The following PIGR variants were observed in gnomAD, a reference collection of about 807,000 sequenced individuals.
PIGR encodes the protein hepatocellular carcinoma associated protein TB6.
PIGR carries 22 observed loss-of-function variants against 69.5 expected under a neutral mutation model. The observed-to-expected ratio is 0.32, with a 90% CI of 0.23 to 0.45. The LOEUF is 0.45. Among genes scored for constraint, PIGR ranks in the 20% least tolerant of loss-of-function variants. The pLI, the probability that PIGR is intolerant of heterozygous loss-of-function variation, is 1.00. For missense variants in PIGR, 885 were observed against 974.0 expected (o/e 0.91, Z 1.22); for synonymous variants, 413 against 407.6 (o/e 1.01, Z -0.16).
At position 206,933,062 on chromosome 1, in the gene PIGR, GCCTGGGATC is replaced by G. The variant is rs773624285; in HGVS notation, c.1801_1809del (p.Asp601_Arg603del). On this transcript the variant is annotated inframe_deletion, in exon 7 of 11. Transcript: ENST00000356495. ...GCCACCGCCTTTTCCTCTGCAAAAA[GCCTGGGATC>G]CTGAATGGCTTTGTTCTCAATCTCC... 1 of 1,614,192 alleles carries G rather than the reference GCCTGGGATC, an allele frequency of 6.2e-7. No individual in the cohort carries two copies. The highest frequency in any genetic ancestry group is 8.5e-7 in the Non-Finnish European group (1 of 1,180,046).
At position 206,939,175 on chromosome 1, in the gene PIGR, C is replaced by A. The variant is rs1679932169; in HGVS notation, c.332G>T (p.Gly111Val). 1.2e-6 allele frequency: 2 copies of A among 1,614,154 alleles called. No individual in the cohort carries two copies. Among genetic ancestry groups the A allele is most frequent in the Non-Finnish European group, 1.7e-6 (2 of 1,180,008 alleles). ...CAGGCCTCGGCTATTGATGCCCAGG[C>A]CACACTTGTAGCGCCCGGAGTCATC... ...SQDDSGRYKCGLGINSRGLSF... is the reference protein window; with the variant it reads ...SQDDSGRYKCVLGINSRGLSF... Residue 111 changes from glycine (G) to valine (V), a missense_variant, in exon 3 of 11, where the codon GGC becomes GTC. Coordinates refer to ENST00000356495, the MANE Select transcript of PIGR (RefSeq NM_002644.4).
intron 1 of PIGR, among the ~76,000 whole-genome samples, chr1:206,943,844 C>T (rs150826942): frequency 5.9e-5 from 9 of 152,306 alleles, no homozygotes; most frequent in South Asian, 2.1e-4. Flanking sequence ...GAAGAACGTA[C>T]GCTGAGTCCT....
Position 206,939,163 on chromosome 1 carries a change from T to C in PIGR, c.344A>G (p.Asn115Ser), listed in dbSNP as rs1212573808. ...GACATCAAAGGACAGGCCTCGGCTA[T>C]TGATGCCCAGGCCACACTTGTAGCG... ...SGRYKCGLGINSRGLSFDVSL... is the reference protein window; with the variant it reads ...SGRYKCGLGISSRGLSFDVSL... Residue 115 changes from asparagine (N) to serine (S), a missense_variant, in exon 3 of 11, where the codon AAT (asparagine) becomes AGT (serine). Coordinates refer to ENST00000356495, the MANE Select transcript of PIGR (RefSeq NM_002644.4). 3 of 1,613,850 alleles carry C rather than the reference T, an allele frequency of 1.9e-6. No individual in the cohort carries two copies. The highest frequency in any genetic ancestry group is 2.2e-5 in the East Asian group (1 of 44,876).
In PIGR at chr1:206,937,744, C is replaced by T. The variant is rs1239174686; in HGVS notation, c.396G>A (p.Gly132=). The T allele has an allele frequency of 6.2e-7, 1 of 1,613,488 alleles. No homozygotes were observed. Among genetic ancestry groups the T allele is most frequent in the African/African-American group, 1.3e-5 (1 of 74,848 alleles). ...DVSLEVSQGP[G]LLNDTKVYTV... ...TGTAGACTTTAGTGTCATTTAGGAG[C>T]CCAGGACCTGCAGGATGAGGGGTGC... Residue 132 remains glycine, a synonymous_variant, in exon 4 of 11, where the codon GGG becomes GGA. Coordinates refer to ENST00000356495, the MANE Select transcript of PIGR (RefSeq NM_002644.4).
rs372792136 is a variant in PIGR at position 206,934,652 on chromosome 1, G to A, written c.1473C>T (p.Tyr491=). The change falls in exon 6 of 11, where the codon TAC becomes TAT. Residue 491 remains tyrosine (Y), a synonymous_variant. Coordinates refer to ENST00000356495, the MANE Select transcript of PIGR (RefSeq NM_002644.4). ...TATTCCACTTGCACCAGTATTTCTC[G>A]TACGAGGAGAATTTGCATGGAAAGT... The part of the protein sequence containing the change: ...PCHFPCKFSS[Y]EKYWCKWNNT... 3.1e-4 allele frequency: 507 copies of A among 1,614,054 alleles called. 2 individuals are homozygous for A. The South Asian group carries it at 4.2e-3, about 13-fold the overall frequency.
At chr1:206,934,831 T>C in intron 5 of PIGR, 85 bp from the exon 6 acceptor site, 4 of 881,014 alleles carry the variant, frequency 4.5e-6, no homozygotes, top group Non-Finnish European at 5.1e-6. Context: ...GGAATCTTTG[T>C]CCACATGTCA....
At chr1:206,940,872 A>G (rs1679969442) in intron 1 of PIGR, among the ~76,000 whole-genome samples, 1 of 152,224 alleles carries the variant, frequency 6.6e-6, no homozygotes, top group Non-Finnish European at 1.5e-5. Flanking sequence ...CCCATGAGAC[A>G]CAGTCCCAGG....
Position 206,935,435 on chromosome 1 carries a change from G to T in PIGR, c.1378+51C>A. Reference sequence around the variant, plus strand: ...AGGAGGAAGAGTGGTTGGGGATGCTGCTGCTGGCTGGAGAGGTTTTAGAGC... The same window carrying T: ...AGGAGGAAGAGTGGTTGGGGATGCTTCTGCTGGCTGGAGAGGTTTTAGAGC... On this transcript the variant is annotated intron_variant, in intron 5 of 10. Coordinates refer to ENST00000356495, the MANE Select transcript of PIGR (RefSeq NM_002644.4). The surrounding 1 kb of genome is among the most constrained non-coding windows in gnomAD (Gnocchi z 4.4). The T allele has an allele frequency of 6.8e-7, 1 of 1,460,364 alleles. No individual in the cohort carries two copies. The highest frequency in any genetic ancestry group is 9.4e-7 in the Non-Finnish European group (1 of 1,059,422). 90.5% of individuals were successfully genotyped at this position (1,460,364 alleles called of 1,614,324 possible). A position where few individuals can be genotyped will look rare whatever the true frequency, so the allele number is the denominator to read the frequency against.
intron 3 of PIGR, among the ~76,000 whole-genome samples, chr1:206,938,822 C>A (rs1283551253): frequency 6.6e-6 from 1 of 152,166 alleles, no homozygotes; most frequent in Admixed American, 6.5e-5. Context: ...ATTTCCCTTT[C>A]TACCTGTAGC....
chr1:206,931,688 G>A lies in PIGR; in HGVS notation c.2123C>T (p.Ser708Phe), dbSNP rs756286947. ...GGTCATACCTTCTTTTCCTCCGAGG[G>A]ATGTCTCCTGAGTGATCGAAGAGGC... ...MGASSITQET[S>F]LGGKEEFVAT... is the part of the protein sequence containing the mutation. The change falls in exon 9 of 11, where the codon TCC (serine) becomes TTC (phenylalanine). Residue 708 changes from serine to phenylalanine, a missense_variant. Physicochemically the swap from Ser to Phe is radical, Grantham distance 155. Transcript: ENST00000356495. The A allele has an allele frequency of 6.2e-7, 1 of 1,614,004 alleles. No homozygotes were observed. Among genetic ancestry groups the A allele is most frequent in the African/African-American group, 1.3e-5 (1 of 74,890 alleles).
At position 206,941,425 on chromosome 1, in the gene PIGR, G is replaced by T. The variant is rs1488492038; in HGVS notation, c.-53-841C>A. ...TTGTGTTATTTGTAGAGACCCTGTTGCTTATGAAAGCACTACCATTTACAT... is the reference window on the plus strand; with the variant it reads ...TTGTGTTATTTGTAGAGACCCTGTTTCTTATGAAAGCACTACCATTTACAT... On this transcript the variant is annotated intron_variant, in intron 1 of 10. Transcript: ENST00000356495. 7.9e-5 allele frequency among the ~76,000 whole-genome samples: 12 copies of T among 152,274 alleles called. No homozygotes were observed. The East Asian group carries it at 1.9e-3, about 24-fold the overall frequency.
At chr1:206,938,503 A>G (rs576832492) in intron 3 of PIGR, among the ~76,000 whole-genome samples, 1 of 152,182 alleles carries the variant, frequency 6.6e-6, no homozygotes, top group Non-Finnish European at 1.5e-5. Context: ...GTTGCCCTTG[A>G]CTATCTAAAA....
Position 206,931,736 on chromosome 1 carries a change from A to C in PIGR, c.2075T>G (p.Phe692Cys). Reference sequence around the variant, plus strand: ...GGCTCCCATGTTGTCATTGGCTCCAAATTCCCTGGAGTTCTCGAAGTCTGA... The same window carrying C: ...GGCTCCCATGTTGTCATTGGCTCCACATTCCCTGGAGTTCTCGAAGTCTGA... ...SMSDFENSRE[F>C]GANDNMGASS... Residue 692 changes from phenylalanine (F) to cysteine (C), a missense_variant, in exon 9 of 11, where the codon TTT becomes TGT. Phe to Cys is a radical substitution (Grantham distance 205, BLOSUM62 -2). Coordinates refer to ENST00000356495, the MANE Select transcript of PIGR (RefSeq NM_002644.4). 6.2e-7 allele frequency: 1 copy of C among 1,613,822 alleles called. No homozygotes were observed. The highest frequency in any genetic ancestry group is 8.5e-7 in the Non-Finnish European group (1 of 1,179,938).
In PIGR at chr1:206,937,435, G is replaced by C. The variant is rs1679887768; in HGVS notation, c.705C>G (p.Leu235=). ...DSNSNKKNAD[L]QVLKPEPELV... ...GCTCGGGCTCGGGCTTTAGCACTTG[G>C]AGGTCAGCATTCTTCTTATTACTAT... Residue 235 remains leucine (L), a synonymous_variant, in exon 4 of 11, where the codon CTC becomes CTG. Transcript: ENST00000356495. The C allele has an allele frequency of 6.2e-7, 1 of 1,614,066 alleles. No homozygotes were observed. The highest frequency in any genetic ancestry group is 2.2e-5 in the East Asian group (1 of 44,900).
intron 6 of PIGR, among the ~76,000 whole-genome samples, chr1:206,933,834 G>C (rs1321117644): frequency 1.3e-5 from 2 of 151,596 alleles, no homozygotes; most frequent in South Asian, 4.2e-4. Context: ...ATATAGAAGA[G>C]ACTTCAATCT....
At position 206,937,558 on chromosome 1, in the gene PIGR, A is replaced by G; in HGVS notation, c.582T>C (p.Asp194=). ...NPNYTGRIRL[D]IQGTGQLLFS... is the part of the protein sequence containing the mutation. ...ACAGTAACTGGCCAGTACCCTGAAT[A>G]TCAAGGCGTATTCTTCCTGTATAGT... The change falls in exon 4 of 11, where the codon GAT becomes GAC. Residue 194 remains aspartate, a synonymous_variant. Coordinates refer to ENST00000356495, the MANE Select transcript of PIGR (RefSeq NM_002644.4). 6.2e-7 allele frequency: 1 copy of G among 1,614,166 alleles called. No individual in the cohort carries two copies. The highest frequency in any genetic ancestry group is 8.5e-7 in the Non-Finnish European group (1 of 1,180,006).
Position 206,937,702 on chromosome 1 carries a change from T to C in PIGR, c.438A>G (p.Arg146=). The change falls in exon 4 of 11, where the codon AGA becomes AGG. Residue 146 remains arginine (R), a synonymous_variant. Coordinates refer to ENST00000356495, the MANE Select transcript of PIGR (RefSeq NM_002644.4). ...TGAAAGGGCAGTTGATGGTCACCGTTCTGCCCAGGTCCACTGTGTAGACTT... is the reference window on the plus strand; with the variant it reads ...TGAAAGGGCAGTTGATGGTCACCGTCCTGCCCAGGTCCACTGTGTAGACTT... ...DTKVYTVDLG[R]TVTINCPFKT... is the part of the protein sequence containing the mutation. 6.2e-7 allele frequency: 1 copy of C among 1,614,116 alleles called. No individual in the cohort carries two copies.
In PIGR at chr1:206,939,419, T is replaced by A. The variant is rs1314757069; in HGVS notation, c.88A>T (p.Ser30Cys). 1.9e-6 allele frequency: 3 copies of A among 1,611,998 alleles called. No homozygotes were observed. In the Admixed American group the frequency reaches 5.0e-5, roughly 27 times the overall value. The change falls in exon 3 of 11, where the codon AGT (serine) becomes TGT (cysteine). Residue 30 changes from serine to cysteine, a missense_variant. Physicochemically the swap from Ser to Cys is moderately radical, Grantham distance 112 (BLOSUM62 -1). Coordinates refer to ENST00000356495, the MANE Select transcript of PIGR (RefSeq NM_002644.4). ...SPIFGPEEVNSVEGNSVSITC... is the reference protein window; with the variant it reads ...SPIFGPEEVNCVEGNSVSITC... The stretch of plus-strand genomic sequence containing the variant: ...ATGGACACTGAGTTACCTTCCACAC[T>A]ATTCACCTCCTCGGGACCAAATATG...
rs151098348 is a variant in PIGR at position 206,937,688 on chromosome 1, T to G, written c.452A>C (p.Asn151Thr). 6.2e-7 allele frequency: 1 copy of G among 1,613,924 alleles called. No homozygotes were observed. The highest frequency in any genetic ancestry group is 8.5e-7 in the Non-Finnish European group (1 of 1,179,988). The change falls in exon 4 of 11, where the codon AAC becomes ACC. Residue 151 changes from asparagine to threonine, a missense_variant. Asn to Thr is a moderately conservative substitution (Grantham distance 65, BLOSUM62 0). Coordinates refer to ENST00000356495, the MANE Select transcript of PIGR (RefSeq NM_002644.4). ...AGCATTCTCAGTCTTGAAAGGGCAG[T>G]TGATGGTCACCGTTCTGCCCAGGTC... ...TVDLGRTVTI[N>T]CPFKTENAQK...
Sources: allele counts gnomAD v4.1 joint callset (sites outside exome capture counted in the v4.1 genomes callset), GRCh38; gene constraint gnomAD v4.1.1; non-coding constraint Gnocchi (gnomAD v3.1); transcripts MANE v1.5; gene names NCBI Gene and HGNC (gene_info 2026-07-23, HGNC 2026-07-21).